SCAF11: variants seen among roughly 807,000 people sequenced by gnomAD.
SCAF11 encodes protein SCAF11.
SCAF11 carries 47 observed loss-of-function variants against 140.5 expected under a neutral mutation model. That is an observed-to-expected ratio of 0.33 (90% CI 0.26 to 0.43). The LOEUF (loss-of-function observed/expected upper bound fraction) is 0.43. Among genes scored for constraint, SCAF11 ranks in the 20% least tolerant of loss-of-function variants. SCAF11 has a pLI of 1.00. For synonymous variants in SCAF11, 557 were observed against 579.4 expected, an observed-to-expected ratio of 0.96 and a Z score of 0.55; for missense variants, 1,645 against 1,705.1, an observed-to-expected ratio of 0.96 and a Z score of 0.62.
At position 45,928,049 on chromosome 12, in the gene SCAF11, G is replaced by A; in HGVS notation, c.1652C>T (p.Pro551Leu). The change falls in exon 11 of 15, where the codon CCT becomes CTT. Residue 551 changes from proline (P) to leucine (L), a missense_variant. By Grantham distance (98) the Pro-to-Leu change is moderately conservative. This residue lies in a region of SCAF11 where 1,582 missense variants were observed against 1,609.2 expected (regional missense o/e 0.98). Transcript: ENST00000369367. ...VCTVHLPNDF[P>L]TCLTSESKVY... Reference sequence around the variant, plus strand: ...TTTGCTTTCAGATGTTAAACATGTAGGAAAATCATTTGGAAGATGAACTGT... The same window carrying A: ...TTTGCTTTCAGATGTTAAACATGTAAGAAAATCATTTGGAAGATGAACTGT... The A allele has an allele frequency of 6.2e-7, 1 of 1,613,650 alleles. No homozygotes were observed. The highest frequency in any genetic ancestry group is 8.5e-7 in the Non-Finnish European group (1 of 1,180,004).
At chr12:45,989,105 G>A (rs1482816663) in intron 1 of SCAF11, among the ~76,000 whole-genome samples, 1 of 152,128 alleles carries the variant, frequency 6.6e-6, no homozygotes, top group African/African-American at 2.4e-5. Flanking sequence ...CAATTGTTTA[G>A]AAACAGACTT....
intron 6 of SCAF11, among the ~76,000 whole-genome samples, chr12:45,937,113 C>A (rs566831890): frequency 9.9e-5 from 15 of 151,926 alleles, no homozygotes; most frequent in African/African-American, 3.1e-4. Flanking sequence ...TCTACTATTA[C>A]GGAAAAAATT....
At chr12:45,923,960 C>T (rs1944779436) in intron 12 of SCAF11, among the ~76,000 whole-genome samples, 1 of 152,108 alleles carries the variant, frequency 6.6e-6, no homozygotes, top group Admixed American at 6.5e-5. Flanking sequence ...AAGCAATTCT[C>T]CTGCCTCAAC....
chr12:45,927,251 G>C lies in SCAF11; in HGVS notation c.2450C>G (p.Pro817Arg), dbSNP rs1944899404. 6.2e-7 allele frequency: 1 copy of C among 1,613,918 alleles called. No individual in the cohort carries two copies. Among genetic ancestry groups the C allele is most frequent in the Non-Finnish European group, 8.5e-7 (1 of 1,180,002 alleles). Residue 817 changes from proline (P) to arginine (R), a missense_variant, in exon 11 of 15, where the codon CCA becomes CGA. This residue lies in a region of SCAF11 where 1,582 missense variants were observed against 1,609.2 expected (regional missense o/e 0.98). Transcript: ENST00000369367. The part of the protein sequence containing the change: ...TPQEKKRPQS[P>R]SPRRETGKES... The stretch of plus-strand genomic sequence containing the variant: ...TTTCCCAGTTTCTCTTCTGGGAGAT[G>C]GAGACTGGGGCCGCTTCTTTTCTTG...
rs781373320 is a variant in SCAF11 at position 45,948,422 on chromosome 12, A to C, written c.398+15T>G. 6 of 1,549,410 alleles carry C rather than the reference A, an allele frequency of 3.9e-6. No homozygotes were observed. The South Asian group carries it at 4.6e-5, about 12-fold the overall frequency. On this transcript the variant is annotated intron_variant, in intron 5 of 14. Transcript: ENST00000369367. ...TCCACTCATTTGCATTCCACTTCTA[A>C]AGTTAATCACTAACCTTATACAGCT...
intron 1 of SCAF11, among the ~76,000 whole-genome samples, chr12:45,972,950 A>AGATATATAGATATC (rs1946134044): frequency 4.6e-5 from 3 of 64,866 alleles, no homozygotes; most frequent in African/African-American, 7.4e-5. Context: ...ATATATATAT[A>AGATATATAGATATC]GATATATAGA....
At chr12:45,988,072 C>T (rs910866906) in intron 1 of SCAF11, among the ~76,000 whole-genome samples, 3 of 152,204 alleles carry the variant, frequency 2.0e-5, no homozygotes, top group African/African-American at 7.2e-5. Context: ...ACAGTTATTA[C>T]TGCTCAGAAG....
At chr12:45,965,771 A>T (rs187243977) in intron 1 of SCAF11, among the ~76,000 whole-genome samples, 2 of 152,346 alleles carry the variant, frequency 1.3e-5, no homozygotes, top group African/African-American at 4.8e-5. Context: ...TAATTTCTAA[A>T]ATAATTTACA....
At position 45,951,724 on chromosome 12, in the gene SCAF11, G is replaced by A; in HGVS notation, c.223C>T (p.Leu75=). The change falls in exon 4 of 15, where the codon CTG becomes TTG. Residue 75 remains leucine (L), a synonymous_variant. Transcript: ENST00000369367. ...TTACGGTCAATAGGACATGAAGCCA[G>A]TGTCTGAAAAGTGATTAACAAATTA... ...MTCILKWAET[L]ASCPIDRKPF... 1 of 1,579,370 alleles carries A rather than the reference G, an allele frequency of 6.3e-7. No individual in the cohort carries two copies. Among genetic ancestry groups the A allele is most frequent in the Non-Finnish European group, 8.6e-7 (1 of 1,157,230 alleles).
rs1944954186 is a variant in SCAF11 at position 45,928,437 on chromosome 12, C to T, written c.1264G>A (p.Glu422Lys). Residue 422 changes from glutamate (E) to lysine (K), a missense_variant, in exon 11 of 15, where the codon GAG becomes AAG. Coordinates refer to ENST00000369367, the MANE Select transcript of SCAF11 (RefSeq NM_004719.3). ...CTACTGTCTACATCTGGTTGGTGCTCTTTTTCTAACACAGGTGATGTGTCA... is the reference window on the plus strand; with the variant it reads ...CTACTGTCTACATCTGGTTGGTGCTTTTTTTCTAACACAGGTGATGTGTCA... ...ESDTSPVLEK[E>K]HQPDVDSSNI... 6.2e-7 allele frequency: 1 copy of T among 1,612,488 alleles called. No homozygotes were observed. The highest frequency in any genetic ancestry group is 8.5e-7 in the Non-Finnish European group (1 of 1,178,712).
chr12:45,967,363 C>T (rs1422800150), intron 1 of SCAF11, among the ~76,000 whole-genome samples: 3 of 152,168 alleles, frequency 2.0e-5, no homozygotes, highest in African/African-American at 7.2e-5. Flanking sequence ...GCCTTAATGG[C>T]CAGGTGCCGG....
intron 1 of SCAF11, among the ~76,000 whole-genome samples, chr12:45,983,997 T>G (rs544914434): frequency 1.3e-5 from 2 of 152,202 alleles, no homozygotes; most frequent in South Asian, 4.1e-4. Flanking sequence ...AGTGTTGGTA[T>G]AATAATCTTT....
intron 1 of SCAF11, among the ~76,000 whole-genome samples, chr12:45,968,335 T>G (rs770375171): frequency 2.0e-5 from 3 of 152,174 alleles, no homozygotes; most frequent in African/African-American, 4.8e-5. Context: ...CTAAAATATC[T>G]TTTTAGTCTG....
intron 1 of SCAF11, among the ~76,000 whole-genome samples, chr12:45,971,676 T>C (rs1017402105): frequency 5.9e-5 from 9 of 152,178 alleles, no homozygotes; most frequent in African/African-American, 2.2e-4. Context: ...GTCTCCTTCC[T>C]AATGTTCAGA....
chr12:45,979,107 A>AG (rs112445405), intron 1 of SCAF11, among the ~76,000 whole-genome samples: 147,586 of 147,984 alleles, frequency 1, 73,594 homozygotes, highest in East Asian at 1. Context: ...TTAGGCTGTG[A>AG]GGCTATGCCC....
chr12:45,984,027 A>G (rs1946406062), intron 1 of SCAF11, among the ~76,000 whole-genome samples: 1 of 152,222 alleles, frequency 6.6e-6, no homozygotes, highest in East Asian at 1.9e-4. Flanking sequence ...GAATAAGTAT[A>G]AACTTTAAAA....
At chr12:45,924,383 C>A (rs1592161918) in intron 12 of SCAF11, among the ~76,000 whole-genome samples, 1 of 152,050 alleles carries the variant, frequency 6.6e-6, no homozygotes, top group African/African-American at 2.4e-5. Context: ...CCATATACCC[C>A]CTAAACAGTG....
chr12:45,975,584 C>T (rs1946214994), intron 1 of SCAF11: 1 of 184,570 alleles, frequency 5.4e-6, no homozygotes, highest in African/African-American at 2.4e-5. Flanking sequence ...CTTCCTTATC[C>T]CTCTCAGACT....
intron 3 of SCAF11, among the ~76,000 whole-genome samples, chr12:45,958,904 T>C (rs528670477): frequency 1.1e-4 from 17 of 152,304 alleles, no homozygotes; most frequent in African/African-American, 3.8e-4. Flanking sequence ...AAAATAAATA[T>C]ACTAGACTAC....
Sources: gnomAD v4.1 joint callset for allele counts (sites outside exome capture counted in the v4.1 genomes callset) on GRCh38, gnomAD v4.1.1 for gene constraint, gnomAD v4.1.1 regional missense constraint, MANE v1.5 for transcripts, NCBI Gene and HGNC (gene_info 2026-07-23, HGNC 2026-07-21) for gene names.